ANK2: variants seen among roughly 807,000 people sequenced by gnomAD.
The protein encoded by ANK2 is ankyrin 2, also known as ankyrin-2.
A neutral mutation model predicts 360.5 loss-of-function variants in ANK2; 83 were observed. The ratio of observed to expected loss-of-function variants is 0.23; its 90% CI spans 0.19 to 0.28. The LOEUF (loss-of-function observed/expected upper bound fraction) is 0.28, where lower values mean the gene tolerates loss of function less well. Ranked by LOEUF, ANK2 falls within the 10% of genes least tolerant of loss-of-function variation. ANK2 has a pLI of 1.00. For synonymous variants in ANK2, 1,740 were observed against 1,759.5 expected (o/e 0.99, Z 0.28); for missense variants, 4,201 against 4,795.7 (o/e 0.88, Z 3.66).
chr4:112,721,541 CAAAAAAAAAAAAAAAAA>C, the ANK2 span, among the ~76,000 whole-genome samples: 1 of 46,876 alleles, frequency 2.1e-5, no homozygotes, highest in Non-Finnish European at 3.5e-5. Context: ...GACCCCATCT[CAAAAAAAAAAAAAAAAA>C]AAAAAAAAAA....
At chr4:112,840,932 C>T (rs979282782) in intron 1 of ANK2, among the ~76,000 whole-genome samples, 1 of 151,662 alleles carries the variant, frequency 6.6e-6, no homozygotes, top group Non-Finnish European at 1.5e-5. Flanking sequence ...GGGGTTTAAA[C>T]TCACATCTTT....
At chr4:112,968,993 G>A (rs1017175954) in intron 2 of ANK2, among the ~76,000 whole-genome samples, 6 of 152,296 alleles carry the variant, frequency 3.9e-5, no homozygotes, top group Middle Eastern at 3.4e-3. Context: ...GAATTATTCA[G>A]CTAGCCCTGT....
At chr4:113,060,095 AAGG>A (rs944171300) in intron 1 of ANK2, among the ~76,000 whole-genome samples, 47 of 152,166 alleles carry the variant, frequency 3.1e-4, no homozygotes, top group Admixed American at 1.6e-3. Context: ...TCCTTTTTAG[AAGG>A]TCATATGAGG....
At chr4:113,203,573 G>T (rs886834043) in intron 4 of ANK2, among the ~76,000 whole-genome samples, 12 of 152,094 alleles carry the variant, frequency 7.9e-5, no homozygotes, top group African/African-American at 2.7e-4. Context: ...ATGAATATAT[G>T]CATGTATACT....
At chr4:113,333,716 T>A (rs1294115518) in intron 29 of ANK2, among the ~76,000 whole-genome samples, 1 of 152,206 alleles carries the variant, frequency 6.6e-6, no homozygotes, top group African/African-American at 2.4e-5. Context: ...TAAACTATTA[T>A]TAAGGGGGTA....
At chr4:112,935,468 T>G (rs2093648227) in intron 2 of ANK2, among the ~76,000 whole-genome samples, 1 of 152,304 alleles carries the variant, frequency 6.6e-6, no homozygotes, top group Admixed American at 6.5e-5. Flanking sequence ...AGATCATCTG[T>G]CTGGTGTCTT....
At chr4:113,222,240 AT>A (rs1462619946) in intron 4 of ANK2, among the ~76,000 whole-genome samples, 1 of 152,216 alleles carries the variant, frequency 6.6e-6, no homozygotes, top group East Asian at 1.9e-4. Context: ...CTAAGAAAAC[AT>A]TTGAACATTC....
chr4:112,898,384 A>G (rs1015825403), intron 1 of ANK2, among the ~76,000 whole-genome samples: 2 of 152,102 alleles, frequency 1.3e-5, no homozygotes, highest in Non-Finnish European at 2.9e-5. Flanking sequence ...GCTCTTGACA[A>G]TTTTGAGGAG....
intron 1 of ANK2, among the ~76,000 whole-genome samples, chr4:113,136,852 G>C (rs2096441387): frequency 6.6e-6 from 1 of 151,866 alleles, no homozygotes; most frequent in Admixed American, 6.6e-5. Flanking sequence ...CGCCTCCCGG[G>C]TTCAAGTGGA....
At chr4:112,744,118 G>A in the ANK2 span, among the ~76,000 whole-genome samples, 4 of 152,116 alleles carry the variant, frequency 2.6e-5, no homozygotes, top group Admixed American at 6.6e-5. Flanking sequence ...CACCAGGCCC[G>A]GACATTTTGG....
At chr4:112,802,294 G>A in the ANK2 span, among the ~76,000 whole-genome samples, 1 of 152,258 alleles carries the variant, frequency 6.6e-6, no homozygotes, top group Admixed American at 6.5e-5. Flanking sequence ...GGATGCCACT[G>A]TGGAATTAAG....
At chr4:113,241,770 CTT>C (rs2040073327) in intron 8 of ANK2, among the ~76,000 whole-genome samples, 1 of 152,110 alleles carries the variant, frequency 6.6e-6, no homozygotes, top group African/African-American at 2.4e-5. Context: ...GAAAGAAAGA[CTT>C]TACACTAGGG....
chr4:112,727,893 C>G, the ANK2 span, among the ~76,000 whole-genome samples: 5 of 152,054 alleles, frequency 3.3e-5, no homozygotes, highest in Non-Finnish European at 5.9e-5. Context: ...GGCAGAATTG[C>G]TTGCACGCGG....
At chr4:113,097,313 G>T (rs1053880911) in intron 1 of ANK2, among the ~76,000 whole-genome samples, 1 of 151,666 alleles carries the variant, frequency 6.6e-6, no homozygotes, top group Admixed American at 6.6e-5. Context: ...TAAGTTAATA[G>T]AACTCATTCA....
At chr4:112,824,292 G>C (rs1015074604) in intron 1 of ANK2, among the ~76,000 whole-genome samples, 3 of 151,968 alleles carry the variant, frequency 2.0e-5, no homozygotes, top group Non-Finnish European at 4.4e-5. Context: ...CGATCTTCCA[G>C]CCTCAGCCTC....
At chr4:112,713,524 G>C in the ANK2 span, among the ~76,000 whole-genome samples, 5 of 150,412 alleles carry the variant, frequency 3.3e-5, no homozygotes, top group South Asian at 2.1e-4. Context: ...AGCTGAGATC[G>C]CGCCATTGCA....
At chr4:113,350,350 A>G in intron 37 of ANK2, 101 bp downstream of exon 37, 1 of 966,850 alleles carries the variant, frequency 1.0e-6, no homozygotes, top group Non-Finnish European at 1.6e-6. Context: ...CCACTATAGT[A>G]ATTACATTTT....
intron 1 of ANK2, among the ~76,000 whole-genome samples, chr4:112,890,677 C>G: frequency 6.9e-6 from 1 of 143,976 alleles, no homozygotes; most frequent in Admixed American, 7.5e-5. Flanking sequence ...AAGCTATTCT[C>G]CTGCCTCAGC....
In ANK2 at chr4:113,330,480, T is replaced by C. The variant is rs761606645; in HGVS notation, c.3125+10T>C. ...GTGCTCAGTTCCTTGGGTAAGGGTT[T>C]CTGATAAACCTCCCACTTAGTCATC... On this transcript the variant is annotated intron_variant, in intron 27 of 45. Transcript: ENST00000357077. The C allele has an allele frequency of 6.2e-6, 10 of 1,613,586 alleles. No individual in the cohort carries two copies. The East Asian group carries it at 2.2e-4, about 36-fold the overall frequency.
Sources: allele counts gnomAD v4.1 joint callset (sites outside exome capture counted in the v4.1 genomes callset), GRCh38; gene constraint gnomAD v4.1.1; transcripts MANE v1.5; gene names NCBI Gene and HGNC (gene_info 2026-07-23, HGNC 2026-07-21).